KMT2E: variants seen among roughly 807,000 people sequenced by gnomAD.
The protein encoded by KMT2E is lysine methyltransferase 2E (inactive).
KMT2E carries 30 observed loss-of-function variants against 184.6 expected under a neutral mutation model. The observed-to-expected ratio is 0.16, with a 90% CI of 0.12 to 0.22. The LOEUF is 0.22. Ranked by LOEUF, KMT2E falls within the 10% of genes least tolerant of loss-of-function variation. KMT2E has a pLI of 1.00. For missense variants in KMT2E, 2,023 were observed against 2,237.4 expected (o/e 0.90, Z 1.93); for synonymous variants, 815 against 776.5 (o/e 1.05, Z -0.82).
At chr7:105,050,058 C>G (rs1273780461) in intron 3 of KMT2E, among the ~76,000 whole-genome samples, 2 of 152,158 alleles carry the variant, frequency 1.3e-5, no homozygotes, top group Non-Finnish European at 2.9e-5. Context: ...TCTATTAGAT[C>G]ATTCCTATCA....
At chr7:105,039,600 A>G (rs890262220) in intron 2 of KMT2E, among the ~76,000 whole-genome samples, 2 of 152,190 alleles carry the variant, frequency 1.3e-5, no homozygotes, top group Admixed American at 1.3e-4. Flanking sequence ...TTCATACATT[A>G]TGGGGGAAGA....
intron 7 of KMT2E, 124 bp downstream of exon 7, chr7:105,073,801 A>AT (rs1250910682): frequency 1.6e-6 from 1 of 635,192 alleles, no homozygotes; most frequent in Non-Finnish European, 2.8e-6. Context: ...ATGAATGTTG[A>AT]TTGTACAGAG....
At chr7:105,091,461 A>G in intron 15 of KMT2E, 147 bp downstream of exon 15, 1 of 654,088 alleles carries the variant, frequency 1.5e-6, no homozygotes, top group Middle Eastern at 2.5e-4. Flanking sequence ...GGTCATTGCC[A>G]TTTAAATAAA....
chr7:105,071,582 GTATATATATATATA>G (rs1554392567), intron 6 of KMT2E, among the ~76,000 whole-genome samples: 10 of 34,944 alleles, frequency 2.9e-4, no homozygotes, highest in African/African-American at 9.1e-4. Context: ...ATGTGTGTGT[GTATATATATATATA>G]TATATATATA....
Position 105,112,721 on chromosome 7 carries a change from A to AGT in KMT2E, c.4966_4967dup (p.Gly1657Ter). The AGT allele has an allele frequency of 6.2e-7, 1 of 1,613,878 alleles. No individual in the cohort carries two copies. The highest frequency in any genetic ancestry group is 8.5e-7 in the Non-Finnish European group (1 of 1,179,940). On this transcript the variant is annotated frameshift_variant, in exon 27 of 27. Coordinates refer to ENST00000311117, the MANE Select transcript of KMT2E (RefSeq NM_182931.3). LOFTEE classifies it high-confidence loss of function. The stretch of plus-strand genomic sequence containing the variant: ...ATCAGCAACACTCTGTAGCACATGT[A>AGT]GTAGGGCCTGTTCATGCGGTCACCC...
intron 1 of KMT2E, among the ~76,000 whole-genome samples, chr7:105,034,718 C>T (rs919906752): frequency 2.6e-5 from 4 of 151,984 alleles, no homozygotes; most frequent in Non-Finnish European, 5.9e-5. Context: ...ATATTGTTCT[C>T]CTATGTAACC....
At chr7:105,021,183 G>A (rs1228095887) in intron 1 of KMT2E, among the ~76,000 whole-genome samples, 2 of 152,204 alleles carry the variant, frequency 1.3e-5, no homozygotes, top group Admixed American at 6.5e-5. Context: ...ATAAATAGGG[G>A]TCTCAGGTTG....
chr7:105,059,978 G>GTTTTTTTTTTTT lies in KMT2E; in HGVS notation c.72-2164_72-2153dup, dbSNP rs67291226. ...GCTGAATATTGATTTTCTTGTTGTT[G>GTTTTTTTTTTTT]TTTTTTTTTTTTTTTTTTTTTTTTT... On this transcript the variant is annotated intron_variant, in intron 3 of 26. Transcript: ENST00000311117. Among the ~76,000 whole-genome samples, 93 of 51,792 alleles carry GTTTTTTTTTTTT rather than the reference G, an allele frequency of 1.8e-3. 18 individuals are homozygous for GTTTTTTTTTTTT. The highest frequency in any genetic ancestry group is 5.3e-3 in the South Asian group (5 of 952). 34.0% of individuals were successfully genotyped at this position (51,792 alleles called of 152,430 possible).
Position 105,112,710 on chromosome 7 carries a change from G to T in KMT2E, c.4954G>T (p.Val1652Leu), listed in dbSNP as rs149640676. 7 of 1,613,530 alleles carry T rather than the reference G, an allele frequency of 4.3e-6. No individual in the cohort carries two copies. The highest frequency in any genetic ancestry group is 5.9e-6 in the Non-Finnish European group (7 of 1,179,924). The change falls in exon 27 of 27, where the codon GTA becomes TTA. Residue 1652 changes from valine to leucine, a missense_variant. Physicochemically the swap from Val to Leu is conservative, Grantham distance 32. This residue lies in a region of KMT2E where 1,108 missense variants were observed against 1,050.9 expected (regional missense o/e 1.05). Coordinates refer to ENST00000311117, the MANE Select transcript of KMT2E (RefSeq NM_182931.3). ...GCCGAATTCCCATCAGCAACACTCT[G>T]TAGCACATGTAGTAGGGCCTGTTCA... ...QQPNSHQQHS[V>L]AHVVGPVHAV...
In KMT2E at chr7:105,106,010, T is replaced by C. The variant is rs1352551289; in HGVS notation, c.2596+7T>C. Reference sequence around the variant, plus strand: ...GACAGCTGTTCCCTTCCAGGTAGAATTTTTTTTTCAGAGTTTTGGTTTGAG... The same window carrying C: ...GACAGCTGTTCCCTTCCAGGTAGAACTTTTTTTTCAGAGTTTTGGTTTGAG... On this transcript the variant is annotated splice_region_variant and intron_variant, in intron 19 of 26. Transcript: ENST00000311117. 5 of 1,586,718 alleles carry C rather than the reference T, an allele frequency of 3.2e-6. No individual in the cohort carries two copies. The highest frequency in any genetic ancestry group is 2.3e-5 in the South Asian group (2 of 86,528).
chr7:105,027,074 CTTTTTTTTTT>C (rs34930855), intron 1 of KMT2E, among the ~76,000 whole-genome samples: 1 of 81,908 alleles, frequency 1.2e-5, no homozygotes, highest in African/African-American at 5.4e-5. Context: ...GCCCCGCCCT[CTTTTTTTTTT>C]TTTTTTTTTT....
chr7:105,114,699 G>C lies in KMT2E; in HGVS notation c.*1366G>C, dbSNP rs372267544. Reference sequence around the variant, plus strand: ...CAGGATACAAATTCTGTGCATCAGAGAAAGTAAACACTAAAATGACTGCGT... The same window carrying C: ...CAGGATACAAATTCTGTGCATCAGACAAAGTAAACACTAAAATGACTGCGT... On this transcript the variant is annotated 3_prime_UTR_variant, in exon 27 of 27. Coordinates refer to ENST00000311117, the MANE Select transcript of KMT2E (RefSeq NM_182931.3). Among the ~76,000 whole-genome samples, 131 of 152,270 alleles carry C rather than the reference G, an allele frequency of 8.6e-4. 2 individuals carry two copies. In the South Asian group the frequency reaches 0.027, roughly 31 times the overall value.
intron 1 of KMT2E, among the ~76,000 whole-genome samples, chr7:105,027,348 C>A (rs1365343666): frequency 6.6e-6 from 1 of 152,148 alleles, no homozygotes; most frequent in African/African-American, 2.4e-5. Context: ...CTCAGCCTTA[C>A]AATGAAGCTG....
At chr7:105,098,097 T>G (rs1798493384) in intron 15 of KMT2E, among the ~76,000 whole-genome samples, 1 of 152,214 alleles carries the variant, frequency 6.6e-6, no homozygotes, top group Admixed American at 6.5e-5. Context: ...TTACCCATCT[T>G]TTTAGATTTA....
intron 15 of KMT2E, among the ~76,000 whole-genome samples, chr7:105,101,224 A>G (rs1798643968): frequency 6.6e-6 from 1 of 152,172 alleles, no homozygotes; most frequent in Admixed American, 6.5e-5. Context: ...ATTTGCAATA[A>G]CAGGGCTTAC....
At position 105,044,753 on chromosome 7, in the gene KMT2E, G is replaced by C. The variant is rs1796026753; in HGVS notation, c.71+3730G>C. 1.3e-5 allele frequency among the ~76,000 whole-genome samples: 2 copies of C among 152,102 alleles called. 1 individual carries two copies. Among genetic ancestry groups the C allele is most frequent in the South Asian group, 4.1e-4 (2 of 4,832 alleles). ...CCAGTAGTTTTGTGACAGTGTTGTT[G>C]GGGGAGTCAATAAATTGCCCTCTGA... On this transcript the variant is annotated intron_variant, in intron 3 of 26. Coordinates refer to ENST00000311117, the MANE Select transcript of KMT2E (RefSeq NM_182931.3).
At chr7:105,098,042 C>G (rs1798489301) in intron 15 of KMT2E, among the ~76,000 whole-genome samples, 1 of 152,090 alleles carries the variant, frequency 6.6e-6, no homozygotes, top group African/African-American at 2.4e-5. Flanking sequence ...ACCACACAAG[C>G]CATACGTGTT....
Position 105,091,232 on chromosome 7 carries a change from A to G in KMT2E, c.1640A>G (p.Asp547Gly), listed in dbSNP as rs1320907845. The G allele has an allele frequency of 1.3e-6, 2 of 1,540,392 alleles. No individual in the cohort carries two copies. The highest frequency in any genetic ancestry group is 1.8e-6 in the Non-Finnish European group (2 of 1,116,230). ...ATTTTTCAGGAACCAGATTTTATTGATGATATAGAAGAAAAAACTCCTATT... is the reference window on the plus strand; with the variant it reads ...ATTTTTCAGGAACCAGATTTTATTGGTGATATAGAAGAAAAAACTCCTATT... Reference protein sequence around the residue: ...VSNNQEPDFIDDIEEKTPISN... With the variant: ...VSNNQEPDFIGDIEEKTPISN... The change falls in exon 15 of 27, where the codon GAT becomes GGT. Residue 547 changes from aspartate to glycine, a missense_variant. By Grantham distance (94) the Asp-to-Gly change is moderately conservative. Around this residue, in one of 8 missense-constraint regions of KMT2E, gnomAD observed 514 missense variants for 621.8 expected, o/e 0.83. Coordinates refer to ENST00000311117, the MANE Select transcript of KMT2E (RefSeq NM_182931.3).
chr7:105,024,367 G>T (rs575912452), intron 1 of KMT2E, among the ~76,000 whole-genome samples: 1 of 152,198 alleles, frequency 6.6e-6, no homozygotes, highest in African/African-American at 2.4e-5. Flanking sequence ...TATGGCGGAA[G>T]GTACAAAAAC....
Sources: allele counts gnomAD v4.1 joint callset (sites outside exome capture counted in the v4.1 genomes callset), GRCh38; gene constraint gnomAD v4.1.1; regional missense constraint gnomAD v4.1.1; transcripts MANE v1.5; gene names NCBI Gene and HGNC (gene_info 2026-07-23, HGNC 2026-07-21).